SLC8A1: variants seen among roughly 807,000 people sequenced by gnomAD.
The protein encoded by SLC8A1 is sodium/calcium exchanger 1.
SLC8A1 carries 18 observed loss-of-function variants against 68.3 expected under a neutral mutation model. The observed-to-expected ratio is 0.26, with a 90% CI of 0.18 to 0.39. SLC8A1 has a LOEUF of 0.39. SLC8A1 is among the 10% of genes least tolerant of loss of function. The pLI is 1.00. For synonymous variants in SLC8A1, 475 were observed against 415.5 expected (o/e 1.14, Z -1.74); for missense variants, 985 against 1,156.7 (o/e 0.85, Z 2.15).
chr2:40,329,098 ACACG>A lies in SLC8A1; in HGVS notation c.1808+99371_1808+99374del, dbSNP rs1479980720. 9.1e-4 allele frequency among the ~76,000 whole-genome samples: 126 copies of A among 138,120 alleles called. 3 individuals carry two copies. The highest frequency in any genetic ancestry group is 5.4e-3 in the Admixed American group (73 of 13,630). The allele number at this position is 138,120 out of a possible 152,430, so 90.6% of individuals were successfully genotyped here. ...CACACACACACACACACACACACACACACGCACTGGACTATTTAAAATTCACTGA... is the reference window on the plus strand; with the variant it reads ...CACACACACACACACACACACACACACACTGGACTATTTAAAATTCACTGA... On this transcript the variant is annotated intron_variant, in intron 2 of 7. Transcript: ENST00000406785.
At chr2:40,349,104 G>T (rs557759173) in intron 2 of SLC8A1, among the ~76,000 whole-genome samples, 1 of 152,254 alleles carries the variant, frequency 6.6e-6, no homozygotes, top group South Asian at 2.1e-4. Flanking sequence ...TTCTTCAGGG[G>T]CTAACAGGGA....
At chr2:40,421,068 TCACCAC>T (rs551749143) in intron 2 of SLC8A1, among the ~76,000 whole-genome samples, 1 of 151,964 alleles carries the variant, frequency 6.6e-6, no homozygotes, top group Non-Finnish European at 1.5e-5. Flanking sequence ...ATCACCATCA[TCACCAC>T]CACCACCACC....
At chr2:40,274,866 A>G (rs1224337759) in intron 2 of SLC8A1, among the ~76,000 whole-genome samples, 1 of 152,188 alleles carries the variant, frequency 6.6e-6, no homozygotes, top group Non-Finnish European at 1.5e-5. Context: ...ATAAGGATTG[A>G]AGCTGTGTCG....
chr2:40,258,135 G>A (rs1463950489), intron 2 of SLC8A1, among the ~76,000 whole-genome samples: 1 of 152,144 alleles, frequency 6.6e-6, no homozygotes, highest in Non-Finnish European at 1.5e-5. Context: ...CACAGAAAAA[G>A]CACATAAAGA....
intron 2 of SLC8A1, among the ~76,000 whole-genome samples, chr2:40,252,983 C>G (rs1215325993): frequency 7.3e-6 from 1 of 136,370 alleles, no homozygotes; most frequent in East Asian, 2.1e-4. Flanking sequence ...ATATATGTAT[C>G]TGTATATATG....
At position 40,398,200 on chromosome 2, in the gene SLC8A1, C is replaced by T. The variant is rs75123635; in HGVS notation, c.1808+30273G>A. ...CCAGGCTCAAGAGAAGTACAACGTG[C>T]CTTGGTCCCTTCTCCCTAGTCTTGG... is the stretch of plus-strand genomic sequence containing the variant. On this transcript the variant is annotated intron_variant, in intron 2 of 7. Coordinates refer to ENST00000406785, the Ensembl canonical transcript of SLC8A1. Among the ~76,000 whole-genome samples the T allele has an allele frequency of 4.3e-3, 648 of 152,316 alleles. 1 individual carries two copies. The highest frequency in any genetic ancestry group is 6.1e-3 in the Non-Finnish European group (412 of 68,020).
intron 1 of SLC8A1, among the ~76,000 whole-genome samples, chr2:40,486,939 G>A (rs1307476203): frequency 7.2e-6 from 1 of 138,782 alleles, no homozygotes; most frequent in African/African-American, 2.7e-5. Flanking sequence ...ACTATTGCAA[G>A]GACAGAAAAT....
chr2:40,207,711 A>G (rs2055737598), intron 2 of SLC8A1, among the ~76,000 whole-genome samples: 1 of 152,132 alleles, frequency 6.6e-6, no homozygotes, highest in African/African-American at 2.4e-5. Context: ...TAAGTCATAT[A>G]ATGGGAATCA....
chr2:40,197,331 G>C (rs1273655460), intron 2 of SLC8A1, among the ~76,000 whole-genome samples: 1 of 151,936 alleles, frequency 6.6e-6, no homozygotes, highest in Non-Finnish European at 1.5e-5. Flanking sequence ...CTGGTGCCTC[G>C]GGATGGAGCT....
exon 2 of SLC8A1, chr2:40,430,286 T>G: frequency 6.3e-7 from 1 of 1,599,328 alleles, no homozygotes; most frequent in Non-Finnish European, 8.5e-7. Flanking sequence ...TACATGACAC[T>G]TCCAACTGTC....
intron 3 of SLC8A1, 27 bp downstream of exon 4, chr2:40,175,229 TGGAAA>T: frequency 6.2e-7 from 1 of 1,606,326 alleles, no homozygotes; most frequent in South Asian, 1.1e-5. Flanking sequence ...TCTAGAAAAA[TGGAAA>T]GGAAATGCAA....
At chr2:40,366,938 T>G (rs1188463125) in intron 2 of SLC8A1, among the ~76,000 whole-genome samples, 1 of 152,012 alleles carries the variant, frequency 6.6e-6, no homozygotes, top group Non-Finnish European at 1.5e-5. Context: ...GATTTCATCT[T>G]TAGTTTTAGG....
intron 2 of SLC8A1, among the ~76,000 whole-genome samples, chr2:40,377,179 A>G (rs78962040): frequency 0.027 from 4,123 of 152,220 alleles, 84 homozygotes; most frequent in Non-Finnish European, 0.04. Context: ...CCCATTAAGA[A>G]GAGGGTCCAG....
intron 2 of SLC8A1, among the ~76,000 whole-genome samples, chr2:40,203,525 G>A (rs1191436285): frequency 1.3e-5 from 2 of 151,926 alleles, no homozygotes; most frequent in African/African-American, 2.4e-5. Flanking sequence ...TATGCCTACT[G>A]CTAACACTTC....
intron 2 of SLC8A1, among the ~76,000 whole-genome samples, chr2:40,358,497 T>G (rs1475877028): frequency 6.6e-6 from 1 of 152,180 alleles, no homozygotes; most frequent in Non-Finnish European, 1.5e-5. Flanking sequence ...AAGGAAAGAA[T>G]AAGGGATTTG....
At position 40,463,839 on chromosome 2, in the gene SLC8A1, T is replaced by TACACACACATAC. The variant is rs1410338454; in HGVS notation, c.-24-33536_-24-33535insGTATGTGTGTGT. On this transcript the variant is annotated intron_variant, in intron 1 of 7. Transcript: ENST00000402441. ...GGATATATACATACACACACACACA[T>TACACACACATAC]ACACACACACACACACACACACACA... 2.8e-3 allele frequency among the ~76,000 whole-genome samples: 342 copies of TACACACACATAC among 123,394 alleles called. 1 individual carries two copies. The highest frequency in any genetic ancestry group is 9.7e-3 in the African/African-American group (313 of 32,368). 81.0% of individuals were successfully genotyped at this position (123,394 alleles called of 152,430 possible). A position where few individuals can be genotyped will look rare whatever the true frequency, so the allele number is the denominator to read the frequency against.
At chr2:40,465,749 T>C (rs1475431539) in intron 1 of SLC8A1, among the ~76,000 whole-genome samples, 2 of 152,210 alleles carry the variant, frequency 1.3e-5, no homozygotes, top group South Asian at 2.1e-4. Flanking sequence ...AGGAGTACTA[T>C]GGTCTGAATG....
intron 4 of SLC8A1, 26 bp downstream of exon 5, chr2:40,174,799 T>C (rs1217829655): frequency 8.1e-6 from 13 of 1,606,512 alleles, no homozygotes; most frequent in African/African-American, 1.3e-5. Flanking sequence ...AAAAGTTAGA[T>C]AGCATTAGAC....
At chr2:40,282,589 C>T (rs1280981913) in intron 2 of SLC8A1, among the ~76,000 whole-genome samples, 1 of 152,180 alleles carries the variant, frequency 6.6e-6, no homozygotes, top group Non-Finnish European at 1.5e-5. Context: ...AACTGCAATG[C>T]TAAGTGAGAT....
Sources: allele counts gnomAD v4.1 joint callset (sites outside exome capture counted in the v4.1 genomes callset), GRCh38; gene constraint gnomAD v4.1.1; transcripts MANE v1.5; gene names NCBI Gene and HGNC (gene_info 2026-07-23, HGNC 2026-07-21).